PDE3A: variants seen among roughly 807,000 people sequenced by gnomAD.
PDE3A encodes phosphodiesterase 3A.
A neutral mutation model predicts 98.3 loss-of-function variants in PDE3A; 43 were observed. The ratio of observed to expected loss-of-function variants is 0.44; its 90% confidence interval spans 0.34 to 0.56. The LOEUF is 0.56. PDE3A is among the 20% of genes least tolerant of loss of function. The pLI, the probability that PDE3A is intolerant of heterozygous loss-of-function variation, is 0.01. For missense variants in PDE3A, 1,427 were observed against 1,440.7 expected, an observed-to-expected ratio of 0.99 and a Z score of 0.15; for synonymous variants, 663 against 567.9, an observed-to-expected ratio of 1.17 and a Z score of -2.38.
chr12:20,599,612 T>C (rs1943541650), intron 2 of PDE3A, among the ~76,000 whole-genome samples: 1 of 152,168 alleles, frequency 6.6e-6, no homozygotes, highest in Admixed American at 6.6e-5. Context: ...ATGGAAAAGG[T>C]ATCTCCCATT....
At chr12:20,655,730 C>A (rs542565762) in intron 15 of PDE3A, among the ~76,000 whole-genome samples, 1 of 152,144 alleles carries the variant, frequency 6.6e-6, no homozygotes, top group Admixed American at 6.5e-5. Context: ...TGGTTTTGAA[C>A]GGAAGAGTTA....
chr12:20,386,070 A>AAAAATATATAT (rs1943768731), intron 1 of PDE3A, among the ~76,000 whole-genome samples: 1 of 37,146 alleles, frequency 2.7e-5, no homozygotes, highest in Non-Finnish European at 4.7e-5. Context: ...AAATATATAT[A>AAAAATATATAT]AAATATATAT....
At chr12:20,528,177 G>T (rs759912184) in intron 1 of PDE3A, among the ~76,000 whole-genome samples, 3 of 152,098 alleles carry the variant, frequency 2.0e-5, no homozygotes, top group Admixed American at 2.0e-4. Context: ...AAAAATTTAG[G>T]CTGGGAATAA....
intron 2 of PDE3A, among the ~76,000 whole-genome samples, chr12:20,604,109 C>A (rs1943657336): frequency 6.6e-6 from 1 of 151,100 alleles, no homozygotes; most frequent in African/African-American, 2.4e-5. Context: ...GCGGAGGTGG[C>A]AGTGAGCTGA....
intron 2 of PDE3A, among the ~76,000 whole-genome samples, chr12:20,571,023 A>C (rs1428396903): frequency 2.6e-5 from 4 of 152,160 alleles, no homozygotes; most frequent in African/African-American, 9.7e-5. Flanking sequence ...GTGATGTGAC[A>C]AGTGTTCATG....
chr12:20,423,317 T>C (rs1449795620), intron 1 of PDE3A, among the ~76,000 whole-genome samples: 2 of 148,738 alleles, frequency 1.3e-5, no homozygotes, highest in Admixed American at 6.6e-5. Context: ...AATCCCTCTC[T>C]TTCTTTCTGT....
chr12:20,596,849 GCT>G (rs1417138576), intron 2 of PDE3A, among the ~76,000 whole-genome samples: 3 of 152,028 alleles, frequency 2.0e-5, no homozygotes, highest in Non-Finnish European at 4.4e-5. Context: ...ATCTACTTAG[GCT>G]CTCATTAATT....
chr12:20,643,202 A>G (rs935325336), intron 10 of PDE3A, among the ~76,000 whole-genome samples: 33 of 152,198 alleles, frequency 2.2e-4, no homozygotes, highest in African/African-American at 6.5e-4. Flanking sequence ...AAATGCAGAG[A>G]TGAAGGAAGA....
chr12:20,673,324 A>G (rs1158721374), intron 15 of PDE3A, among the ~76,000 whole-genome samples: 1 of 149,422 alleles, frequency 6.7e-6, no homozygotes, highest in African/African-American at 2.5e-5. Flanking sequence ...TGGAAATACC[A>G]TTTGACCCAG....
At chr12:20,608,623 AATGTTTACTATTTTTTCT>A (rs1943771135) in intron 2 of PDE3A, among the ~76,000 whole-genome samples, 1 of 152,076 alleles carries the variant, frequency 6.6e-6, no homozygotes, top group African/African-American at 2.4e-5. Flanking sequence ...GTACTTTTTA[AATGTTTACTATTTTTTCT>A]ATATATACAA....
chr12:20,496,528 G>A (rs749671242), intron 1 of PDE3A, among the ~76,000 whole-genome samples: 18 of 135,524 alleles, frequency 1.3e-4, no homozygotes, highest in Non-Finnish European at 2.7e-4. Flanking sequence ...ACCCCCCACC[G>A]CCACCCCGCA....
At chr12:20,601,996 G>A (rs7974916) in intron 2 of PDE3A, among the ~76,000 whole-genome samples, 5 of 152,010 alleles carry the variant, frequency 3.3e-5, no homozygotes, top group Non-Finnish European at 7.4e-5. Flanking sequence ...TTCTGAGTTC[G>A]TACTTATTTC....
rs1660855681 is a variant in PDE3A at position 20,687,151 on chromosome 12, A to T, written c.*6880A>T. ...ACTCAGATGTTCAATGTGAAATTAC[A>T]AATAGTTGTTTGAAGTATATATACT... On this transcript the variant is annotated 3_prime_UTR_variant, in exon 16 of 16. Transcript: ENST00000359062. 6.6e-6 allele frequency among the ~76,000 whole-genome samples: 1 copy of T among 152,106 alleles called. No homozygotes were observed. The highest frequency in any genetic ancestry group is 2.1e-4 in the South Asian group (1 of 4,832).
At position 20,682,013 on chromosome 12, in the gene PDE3A, A is replaced by G. The variant is rs373046554; in HGVS notation, c.*1742A>G. On this transcript the variant is annotated 3_prime_UTR_variant, in exon 16 of 16. Transcript: ENST00000359062. ...AGTAAGAGAATGATGATTCATTTGC[A>G]TGGAGGTCGATGGACAACCAATCAT... 5 of 152,340 alleles carry G rather than the reference A, an allele frequency of 3.3e-5. No individual in the cohort carries two copies. The East Asian group carries it at 5.8e-4, about 18-fold the overall frequency. 9.4% of individuals were successfully genotyped at this position (152,340 alleles called of 1,614,324 possible).
chr12:20,370,133 C>A lies in PDE3A; in HGVS notation c.849C>A (p.Ile283=). 2 of 1,613,400 alleles carry A rather than the reference C, an allele frequency of 1.2e-6. No individual in the cohort carries two copies. The highest frequency in any genetic ancestry group is 1.7e-6 in the Non-Finnish European group (2 of 1,179,934). Residue 283 remains isoleucine, a synonymous_variant, in exon 1 of 16, where the codon ATC becomes ATA. Coordinates refer to ENST00000359062, the MANE Select transcript of PDE3A (RefSeq NM_000921.5). ...TGATTGCTGGGACCAAGGAAGATATCCCGGTGTTTAAGAGGAGGAGGCGGT... is the reference window on the plus strand; with the variant it reads ...TGATTGCTGGGACCAAGGAAGATATACCGGTGTTTAAGAGGAGGAGGCGGT... ...SQLIAGTKED[I]PVFKRRRRSS... is the part of the protein sequence containing the mutation.
At position 20,519,563 on chromosome 12, in the gene PDE3A, G is replaced by A. The variant is rs570228590; in HGVS notation, c.961-37097G>A. ...ATTAAGTTCTACATTTATGAAGTAC[G>A]CTTTGTGGAAAGTATTAATTTAAGT... is the stretch of plus-strand genomic sequence containing the variant. On this transcript the variant is annotated intron_variant, in intron 1 of 15. Coordinates refer to ENST00000359062, the MANE Select transcript of PDE3A (RefSeq NM_000921.5). Among the ~76,000 whole-genome samples, 183 of 152,200 alleles carry A rather than the reference G, an allele frequency of 1.2e-3. 7 individuals are homozygous for A. The South Asian group carries it at 0.036, about 30-fold the overall frequency.
chr12:20,428,745 A>G (rs759285836), intron 1 of PDE3A, among the ~76,000 whole-genome samples: 9 of 152,226 alleles, frequency 5.9e-5, no homozygotes, highest in Admixed American at 2.0e-4. Flanking sequence ...TCATACTGGT[A>G]TAATAGTTAT....
chr12:20,502,834 C>G (rs1034630438), intron 1 of PDE3A, among the ~76,000 whole-genome samples: 1 of 152,074 alleles, frequency 6.6e-6, no homozygotes, highest in African/African-American at 2.4e-5. Flanking sequence ...TCACTCCTGC[C>G]AATAGAAGAT....
At chr12:20,497,050 C>T (rs1274974997) in intron 1 of PDE3A, among the ~76,000 whole-genome samples, 1 of 152,034 alleles carries the variant, frequency 6.6e-6, no homozygotes, top group African/African-American at 2.4e-5. Context: ...TTGAAGTGGG[C>T]GCTTATTCTA....
Sources: allele counts gnomAD v4.1 joint callset (sites outside exome capture counted in the v4.1 genomes callset), GRCh38; gene constraint gnomAD v4.1.1; transcripts MANE v1.5; gene names NCBI Gene and HGNC (gene_info 2026-07-23, HGNC 2026-07-21).